FRMD4B: variants seen among roughly 807,000 people sequenced by gnomAD.
FRMD4B encodes FERM domain-containing protein 4B.
Under a neutral mutation model 141.5 loss-of-function variants are expected in FRMD4B, and 74 were observed. The ratio of observed to expected loss-of-function variants is 0.52; its 90% CI spans 0.43 to 0.63. FRMD4B has a LOEUF of 0.63. FRMD4B is among the 30% of genes least tolerant of loss of function. The pLI is 0.00. For synonymous variants in FRMD4B, 506 were observed against 467.9 expected (o/e 1.08, Z -1.05); for missense variants, 1,366 against 1,253.4 (o/e 1.09, Z -1.36).
intron 1 of FRMD4B, among the ~76,000 whole-genome samples, chr3:69,346,175 C>T (rs1404121170): frequency 1.3e-5 from 2 of 151,958 alleles, no homozygotes; most frequent in Admixed American, 6.6e-5. Context: ...ACAAGAAATA[C>T]ATGATGAATG....
chr3:69,463,273 A>G (rs1165172481), intron 1 of FRMD4B, among the ~76,000 whole-genome samples: 1 of 152,220 alleles, frequency 6.6e-6, no homozygotes, highest in African/African-American at 2.4e-5. Flanking sequence ...CAAATAAATG[A>G]CAATCGTAGA....
At chr3:69,227,276 T>C (rs1352209749) in intron 7 of FRMD4B, among the ~76,000 whole-genome samples, 1 of 152,216 alleles carries the variant, frequency 6.6e-6, no homozygotes, top group Non-Finnish European at 1.5e-5. Context: ...GACCTTTTTT[T>C]GAGTACTGAT....
chr3:69,395,332 A>G (rs1704456173), intron 2 of FRMD4B, among the ~76,000 whole-genome samples: 1 of 152,140 alleles, frequency 6.6e-6, no homozygotes, highest in Non-Finnish European at 1.5e-5. Context: ...AAAAAGATAT[A>G]TGCAAAATCT....
intron 1 of FRMD4B, among the ~76,000 whole-genome samples, chr3:69,337,920 G>C (rs574344317): frequency 9.7e-4 from 147 of 152,262 alleles, no homozygotes; most frequent in African/African-American, 3.2e-3. Context: ...GGATCTAGCA[G>C]TAGAAATACC....
chr3:69,283,402 A>AACAACAACAACAGCAAC (rs58620572), intron 5 of FRMD4B, among the ~76,000 whole-genome samples: 5 of 109,598 alleles, frequency 4.6e-5, no homozygotes, highest in African/African-American at 1.6e-4. Flanking sequence ...CAACAACAAC[A>AACAACAACAACAGCAAC]AACAAAAAAC....
intron 1 of FRMD4B, among the ~76,000 whole-genome samples, chr3:69,434,661 C>A (rs1362533916): frequency 6.6e-6 from 1 of 152,150 alleles, no homozygotes; most frequent in Non-Finnish European, 1.5e-5. Context: ...TCTACGAACA[C>A]ACCAAATATG....
At chr3:69,410,468 GTGTA>G (rs752216345) in intron 2 of FRMD4B, among the ~76,000 whole-genome samples, 162 of 152,046 alleles carry the variant, frequency 1.1e-3, no homozygotes, top group Non-Finnish European at 1.8e-3. Flanking sequence ...GAGTACGTGA[GTGTA>G]TGTGAGTGTA....
intron 1 of FRMD4B, among the ~76,000 whole-genome samples, chr3:69,499,118 G>T (rs901772302): frequency 1.3e-5 from 2 of 152,170 alleles, no homozygotes; most frequent in Admixed American, 6.5e-5. Context: ...TGAGTGCAAA[G>T]GTCCTGAGGC....
chr3:69,405,223 C>T (rs1041272521), intron 2 of FRMD4B, among the ~76,000 whole-genome samples: 20 of 152,180 alleles, frequency 1.3e-4, no homozygotes, highest in South Asian at 4.1e-4. Flanking sequence ...TTCCTTTACA[C>T]GTGTCATTCA....
intron 1 of FRMD4B, among the ~76,000 whole-genome samples, chr3:69,341,278 G>GA (rs202185136): frequency 0.031 from 4,650 of 152,182 alleles, 206 homozygotes; most frequent in African/African-American, 0.1. Context: ...AGTGGTTACT[G>GA]AAAAAAATCT....
intron 1 of FRMD4B, among the ~76,000 whole-genome samples, chr3:69,453,119 G>A (rs886353719): frequency 6.6e-6 from 1 of 152,198 alleles, no homozygotes; most frequent in African/African-American, 2.4e-5. Flanking sequence ...GGGGATGGGA[G>A]AGTTTATTGA....
At chr3:69,272,452 G>A (rs1429567617) in intron 5 of FRMD4B, among the ~76,000 whole-genome samples, 1 of 152,126 alleles carries the variant, frequency 6.6e-6, no homozygotes, top group African/African-American at 2.4e-5. Context: ...AAGCCACTGC[G>A]CCCAGCCCAT....
At chr3:69,401,795 T>C (rs1704568237) in intron 2 of FRMD4B, among the ~76,000 whole-genome samples, 1 of 152,164 alleles carries the variant, frequency 6.6e-6, no homozygotes, top group African/African-American at 2.4e-5. Context: ...GCGATCTGCC[T>C]GCCTCGGCCT....
chr3:69,456,882 T>C (rs1323566259), intron 1 of FRMD4B, among the ~76,000 whole-genome samples: 1 of 152,206 alleles, frequency 6.6e-6, no homozygotes, highest in Non-Finnish European at 1.5e-5. Context: ...GCTGCTTTCA[T>C]ACTAAAATGG....
intron 1 of FRMD4B, among the ~76,000 whole-genome samples, chr3:69,341,587 G>T (rs571680360): frequency 3.0e-4 from 46 of 152,304 alleles, no homozygotes; most frequent in African/African-American, 1.1e-3. Flanking sequence ...CTCAAATACA[G>T]TTAGGTGCTA....
At chr3:69,260,863 T>A (rs1443369663) in intron 5 of FRMD4B, among the ~76,000 whole-genome samples, 1 of 152,224 alleles carries the variant, frequency 6.6e-6, no homozygotes, top group Non-Finnish European at 1.5e-5. Flanking sequence ...GGAGAACTTT[T>A]ATATCTAGCT....
rs575527821 is a variant in FRMD4B, at chr3:69,242,747, C to A, written c.581+6479G>T. ...GCTCACCTGTAATCTGTAATCCCAG[C>A]ACTTTGGGAGGCCGAGGATGGTGGA... On this transcript the variant is annotated intron_variant, in intron 7 of 22. Transcript: ENST00000398540. Among the ~76,000 whole-genome samples the A allele has an allele frequency of 1.4e-3, 205 of 150,394 alleles. 1 individual carries two copies. Among genetic ancestry groups the A allele is most frequent in the Non-Finnish European group, 2.1e-3 (142 of 67,746 alleles).
At chr3:69,343,385 T>C (rs1702808309) in intron 1 of FRMD4B, among the ~76,000 whole-genome samples, 1 of 152,092 alleles carries the variant, frequency 6.6e-6, no homozygotes, top group Non-Finnish European at 1.5e-5. Context: ...CTTTGTCCGT[T>C]AGGTGTGGAT....
chr3:69,219,055 T>A (rs1422783082), intron 9 of FRMD4B, among the ~76,000 whole-genome samples: 2 of 150,914 alleles, frequency 1.3e-5, no homozygotes, highest in Admixed American at 1.3e-4. Flanking sequence ...ATCCCAGCTA[T>A]ATGGGAGGCT....
Sources: gnomAD v4.1 joint callset for allele counts (sites outside exome capture counted in the v4.1 genomes callset) on GRCh38, gnomAD v4.1.1 for gene constraint, MANE v1.5 for transcripts, NCBI Gene and HGNC (gene_info 2026-07-23, HGNC 2026-07-21) for gene names.